Variants in SYT1 observed in about 807,000 individuals in gnomAD.
SYT1 encodes synaptotagmin-1.
SYT1 carries 8 observed loss-of-function variants against 44.8 expected under a neutral mutation model. The ratio of observed to expected loss-of-function variants is 0.18; its 90% CI spans 0.10 to 0.32. The LOEUF (loss-of-function observed/expected upper bound fraction) is 0.32, where lower values mean the gene tolerates loss of function less well. Among genes scored for constraint, SYT1 ranks in the 10% least tolerant of loss-of-function variants. The pLI is 1.00. For synonymous variants in SYT1, 154 were observed against 188.8 expected (o/e 0.82, Z 1.51); for missense variants, 286 against 509.3 (o/e 0.56, Z 4.22).
chr12:79,308,035 T>C (rs1026994427), intron 8 of SYT1, among the ~76,000 whole-genome samples: 8 of 152,212 alleles, frequency 5.3e-5, no homozygotes, highest in Non-Finnish European at 1.0e-4. Context: ...AACTTCAGCC[T>C]GCATTTGAAG....
chr12:79,265,215 T>G (rs878863878), intron 4 of SYT1, among the ~76,000 whole-genome samples: 1 of 152,046 alleles, frequency 6.6e-6, no homozygotes, highest in Non-Finnish European at 1.5e-5. Flanking sequence ...ATTTACAGGG[T>G]TTTTATGCTT....
At chr12:78,990,380 G>A (rs1342479614) in intron 2 of SYT1, among the ~76,000 whole-genome samples, 1 of 152,018 alleles carries the variant, frequency 6.6e-6, no homozygotes, top group African/African-American at 2.4e-5. Context: ...TCCTATTATT[G>A]TAACTTTTTC....
chr12:79,392,325 A>G (rs1415094090), intron 9 of SYT1: 1 of 152,240 alleles, frequency 6.6e-6, no homozygotes, highest in Non-Finnish European at 1.5e-5. Context: ...GTGAAAAACT[A>G]CATGTCATAG....
At chr12:79,127,076 C>T (rs1868489050) in intron 3 of SYT1, among the ~76,000 whole-genome samples, 1 of 152,202 alleles carries the variant, frequency 6.6e-6, no homozygotes, top group Non-Finnish European at 1.5e-5. Context: ...TCCAAAGTTT[C>T]ATATTTTATT....
chr12:79,382,119 C>T (rs1371293094), intron 9 of SYT1, among the ~76,000 whole-genome samples: 3 of 152,104 alleles, frequency 2.0e-5, no homozygotes, highest in East Asian at 1.9e-4. Flanking sequence ...GTTAAAGAAA[C>T]GCTACAGATG....
At chr12:79,265,456 T>C (rs1276023535) in intron 4 of SYT1, among the ~76,000 whole-genome samples, 1 of 152,186 alleles carries the variant, frequency 6.6e-6, no homozygotes, top group Non-Finnish European at 1.5e-5. Flanking sequence ...ATTATTTCAT[T>C]TAAATTAAGC....
intron 9 of SYT1, 22 bp downstream of exon 9, chr12:79,353,641 A>AT: frequency 6.3e-7 from 1 of 1,579,562 alleles, no homozygotes; most frequent in East Asian, 2.2e-5. Flanking sequence ...GTGTTTATTG[A>AT]TTTTTTTCAA....
intron 2 of SYT1, among the ~76,000 whole-genome samples, chr12:79,011,281 C>T (rs1871388997): frequency 6.6e-6 from 1 of 152,040 alleles, no homozygotes; most frequent in Non-Finnish European, 1.5e-5. Context: ...TTCTCTTGAG[C>T]ATACAATAAA....
intron 1 of SYT1, among the ~76,000 whole-genome samples, chr12:78,946,203 C>T (rs896689850): frequency 6.6e-6 from 1 of 152,144 alleles, no homozygotes; most frequent in Non-Finnish European, 1.5e-5. Flanking sequence ...AAAAGATCAT[C>T]TCTTCCAATG....
At chr12:79,142,001 C>T (rs995822628) in intron 3 of SYT1, among the ~76,000 whole-genome samples, 1 of 152,146 alleles carries the variant, frequency 6.6e-6, no homozygotes, top group Non-Finnish European at 1.5e-5. Context: ...TTGGGGAATG[C>T]CCTTGAATGT....
At chr12:79,143,244 C>T (rs965504840) in intron 3 of SYT1, among the ~76,000 whole-genome samples, 1 of 152,138 alleles carries the variant, frequency 6.6e-6, no homozygotes, top group African/African-American at 2.4e-5. Context: ...TAACATCCAA[C>T]CCAGAAAGTG....
intron 2 of SYT1, among the ~76,000 whole-genome samples, chr12:79,040,380 T>C (rs565005968): frequency 1.3e-5 from 2 of 152,364 alleles, no homozygotes; most frequent in Admixed American, 1.3e-4. Flanking sequence ...CCAGTGATGA[T>C]GAGCATTTCT....
chr12:79,318,105 A>C (rs936881934), intron 8 of SYT1, among the ~76,000 whole-genome samples: 1 of 152,176 alleles, frequency 6.6e-6, no homozygotes, highest in African/African-American at 2.4e-5. Flanking sequence ...CATTCTCCTA[A>C]ATTTCCATTT....
chr12:78,988,421 T>TTATA lies in SYT1; in HGVS notation c.-84+10501_-84+10504dup, dbSNP rs112363125. On this transcript the variant is annotated intron_variant, in intron 2 of 10. Coordinates refer to ENST00000261205, the MANE Select transcript of SYT1 (RefSeq NM_005639.3). ...AGATTTATATTATATATAATAAATATTATATATATATATAAAATGTAAAGT... is the reference window on the plus strand; with the variant it reads ...AGATTTATATTATATATAATAAATATTATATATATATATATATAAAATGTAAAGT... 4.3e-3 allele frequency among the ~76,000 whole-genome samples: 626 copies of TTATA among 147,110 alleles called. 4 individuals carry two copies. The highest frequency in any genetic ancestry group is 0.014 in the African/African-American group (575 of 40,570).
intron 8 of SYT1, among the ~76,000 whole-genome samples, chr12:79,328,706 C>T (rs1881717814): frequency 6.6e-6 from 1 of 151,944 alleles, no homozygotes; most frequent in Admixed American, 6.6e-5. Context: ...ATTAGCCGGG[C>T]GTGGTGGCAG....
intron 9 of SYT1, among the ~76,000 whole-genome samples, chr12:79,397,187 G>T (rs749592886): frequency 2.0e-5 from 3 of 152,112 alleles, no homozygotes; most frequent in African/African-American, 7.2e-5. Flanking sequence ...CTGGAAGGGG[G>T]TTGCTTGTAT....
chr12:79,075,824 T>G (rs1293577008), intron 3 of SYT1, among the ~76,000 whole-genome samples: 4 of 152,114 alleles, frequency 2.6e-5, no homozygotes, highest in African/African-American at 9.7e-5. Context: ...ATACACAGAT[T>G]TTTTTGAAAA....
chr12:79,126,879 C>T (rs1592772122), intron 3 of SYT1, among the ~76,000 whole-genome samples: 1 of 152,282 alleles, frequency 6.6e-6, no homozygotes, highest in East Asian at 1.9e-4. Context: ...GGTGTCTATA[C>T]TGAATTCAGT....
At chr12:79,435,597 G>C (rs1438300552) in intron 9 of SYT1, among the ~76,000 whole-genome samples, 1 of 152,132 alleles carries the variant, frequency 6.6e-6, no homozygotes, top group African/African-American at 2.4e-5. Flanking sequence ...TTGTTCTGCT[G>C]TCCTGCTAGG....
Sources: allele counts gnomAD v4.1 joint callset (sites outside exome capture counted in the v4.1 genomes callset), GRCh38; gene constraint gnomAD v4.1.1; transcripts MANE v1.5; gene names NCBI Gene and HGNC (gene_info 2026-07-23, HGNC 2026-07-21).